Variants in SNX14 observed in about 807,000 individuals in gnomAD.
The protein encoded by SNX14 is sorting nexin 14, also known as sorting nexin-14.
Under a neutral mutation model 133.8 loss-of-function variants are expected in SNX14, and 93 were observed. That is an observed-to-expected ratio of 0.70 (90% CI 0.59 to 0.83). SNX14 has a LOEUF of 0.83. SNX14 is among the 40% of genes least tolerant of loss of function. The pLI, the probability that SNX14 is intolerant of heterozygous loss-of-function variation, is 0.00. For missense variants in SNX14, 945 were observed against 1,094.9 expected (o/e 0.86, Z 1.93); for synonymous variants, 368 against 365.6 (o/e 1.01, Z -0.07).
intron 15 of SNX14, among the ~76,000 whole-genome samples, chr6:85,539,123 C>T (rs912087417): frequency 6.6e-6 from 1 of 152,092 alleles, no homozygotes; most frequent in African/African-American, 2.4e-5. Context: ...TATGTTTTCT[C>T]TTGGGTGACA....
intron 26 of SNX14, among the ~76,000 whole-genome samples, chr6:85,513,026 C>G (rs1294616607): frequency 6.6e-6 from 1 of 152,140 alleles, no homozygotes; most frequent in African/African-American, 2.4e-5. Context: ...TCACACATGG[C>G]TCCCATATCT....
At chr6:85,564,786 G>A (rs933325530) in intron 6 of SNX14, among the ~76,000 whole-genome samples, 5 of 151,938 alleles carry the variant, frequency 3.3e-5, no homozygotes, top group East Asian at 3.9e-4. Flanking sequence ...TCAGGAGATC[G>A]AGACCATCCT....
At chr6:85,551,101 C>G (rs1787675759) in intron 7 of SNX14, among the ~76,000 whole-genome samples, 1 of 152,086 alleles carries the variant, frequency 6.6e-6, no homozygotes, top group Admixed American at 6.6e-5. Context: ...TTAATTGCAT[C>G]TGCTTTCACA....
At chr6:85,528,111 T>C in intron 20 of SNX14, 151 bp downstream of exon 20, 1 of 481,648 alleles carries the variant, frequency 2.1e-6, no homozygotes, top group South Asian at 5.6e-5. Flanking sequence ...CAAAAATTCA[T>C]TCTAAAATTC....
Position 85,514,603 on chromosome 6 carries a change from ATTATTT to A in SNX14, c.2289_2294del (p.Lys763_Asn764del). 1.2e-6 allele frequency: 2 copies of A among 1,612,242 alleles called. No homozygotes were observed. Among genetic ancestry groups the A allele is most frequent in the Non-Finnish European group, 1.7e-6 (2 of 1,178,994 alleles). On this transcript the variant is annotated inframe_deletion, in exon 24 of 29. Transcript: ENST00000314673. The stretch of plus-strand genomic sequence containing the variant: ...TCTCTGTATTTTCAGCACGGTTTGC[ATTATTT>A]TTAAACAGATCATTGAAAAGCTAAA...
At chr6:85,521,616 TC>T (rs1776887023) in intron 21 of SNX14, among the ~76,000 whole-genome samples, 1 of 152,210 alleles carries the variant, frequency 6.6e-6, no homozygotes, top group Non-Finnish European at 1.5e-5. Context: ...GGTTGTCTCT[TC>T]ACTCTGCTGC....
intron 2 of SNX14, among the ~76,000 whole-genome samples, chr6:85,573,285 G>C (rs187614024): frequency 3.3e-5 from 5 of 152,170 alleles, no homozygotes; most frequent in African/African-American, 1.2e-4. Context: ...TTCGAGACCA[G>C]CCTGGCCAAC....
At chr6:85,513,678 C>T (rs899991602) in intron 26 of SNX14, 122 bp downstream of exon 26, 1 of 693,008 alleles carries the variant, frequency 1.4e-6, no homozygotes, top group African/African-American at 1.8e-5. Context: ...TTTAACTGAT[C>T]TTTGCAACTA....
intron 6 of SNX14, among the ~76,000 whole-genome samples, chr6:85,563,920 C>T (rs147669183): frequency 2.0e-5 from 3 of 152,092 alleles, no homozygotes; most frequent in East Asian, 1.9e-4. Flanking sequence ...ATCCCTCCCC[C>T]CTTCCCCCAC....
At chr6:85,520,756 T>C (rs1332151909) in intron 21 of SNX14, among the ~76,000 whole-genome samples, 1 of 152,242 alleles carries the variant, frequency 6.6e-6, no homozygotes, top group Non-Finnish European at 1.5e-5. Flanking sequence ...TTCTTTCATG[T>C]TTTGTTTCTT....
At chr6:85,507,527 T>C (rs973819894) in intron 27 of SNX14, among the ~76,000 whole-genome samples, 1 of 152,196 alleles carries the variant, frequency 6.6e-6, no homozygotes, top group African/African-American at 2.4e-5. Context: ...GCCTCATTAA[T>C]TCATTTTTAT....
Position 85,533,709 on chromosome 6 carries a change from A to G in SNX14, c.1700T>C (p.Ile567Thr), listed in dbSNP as rs779665478. 3 of 1,613,938 alleles carry G rather than the reference A, an allele frequency of 1.9e-6. No homozygotes were observed. Among genetic ancestry groups the G allele is most frequent in the Non-Finnish European group, 2.5e-6 (3 of 1,179,976 alleles). The part of the protein sequence containing the change: ...NTPRNLAAWK[I>T]SIPYVDFFED... ...AAAAAAGTCTACATATGGAATGCTA[A>G]TTTTCCATGCAGCAAGGTTTCGGGG... The change falls in exon 18 of 29, where the codon ATT becomes ACT. Residue 567 changes from isoleucine to threonine, a missense_variant. Ile to Thr is a moderately conservative substitution (Grantham distance 89). Transcript: ENST00000314673.
intron 7 of SNX14, among the ~76,000 whole-genome samples, chr6:85,553,093 A>C (rs1376593364): frequency 6.6e-6 from 1 of 152,196 alleles, no homozygotes; most frequent in East Asian, 1.9e-4. Context: ...TCAGGTCGTA[A>C]GCATTAGCTG....
chr6:85,512,645 G>A (rs896275082), intron 26 of SNX14, among the ~76,000 whole-genome samples: 112 of 150,764 alleles, frequency 7.4e-4, no homozygotes, highest in African/African-American at 2.6e-3. Flanking sequence ...AAAAAATGTG[G>A]ATGGGTAACC....
intron 14 of SNX14, among the ~76,000 whole-genome samples, chr6:85,542,853 G>A (rs1243782853): frequency 2.0e-5 from 3 of 151,862 alleles, no homozygotes; most frequent in Non-Finnish European, 4.4e-5. Context: ...TGCAACCTTG[G>A]CCTTCTGGGT....
chr6:85,535,546 A>G (rs1781667200), intron 17 of SNX14, among the ~76,000 whole-genome samples: 1 of 145,318 alleles, frequency 6.9e-6, no homozygotes, highest in African/African-American at 2.6e-5. Flanking sequence ...CGGAGGTTGC[A>G]GTGAGCTGAG....
At chr6:85,513,976 TAAACC>T (rs1209270911) in intron 25 of SNX14, 81 bp from the exon 26 acceptor site, 91 of 1,557,294 alleles carry the variant, frequency 5.8e-5, no homozygotes, top group Non-Finnish European at 7.5e-5. Context: ...GAAATACTAA[TAAACC>T]AAAGCAAAAC....
chr6:85,538,074 TAA>T (rs1335893627), intron 16 of SNX14, among the ~76,000 whole-genome samples: 1 of 152,184 alleles, frequency 6.6e-6, no homozygotes, highest in East Asian at 1.9e-4. Context: ...TGAGAAAAAT[TAA>T]GTTATCTACT....
At chr6:85,548,170 G>T in intron 9 of SNX14, 131 bp downstream of exon 9, 1 of 644,988 alleles carries the variant, frequency 1.6e-6, no homozygotes, top group South Asian at 1.9e-5. Flanking sequence ...CTGGAGATGG[G>T]GAATGGGGAT....
Sources: allele counts gnomAD v4.1 joint callset (sites outside exome capture counted in the v4.1 genomes callset), GRCh38; gene constraint gnomAD v4.1.1; transcripts MANE v1.5; gene names NCBI Gene and HGNC (gene_info 2026-07-23, HGNC 2026-07-21).